Variants in VDR observed in about 807,000 individuals in gnomAD.
VDR encodes vitamin D receptor.
Under a neutral mutation model 39.7 loss-of-function variants are expected in VDR, and 19 were observed. The ratio of observed to expected loss-of-function variants is 0.48; its 90% confidence interval spans 0.33 to 0.70. The LOEUF is 0.70. VDR is among the 30% of genes least tolerant of loss of function. The pLI is 0.02. For synonymous variants in VDR, 242 were observed against 215.8 expected, an observed-to-expected ratio of 1.12 and a Z score of -1.07; for missense variants, 442 against 570.5, an observed-to-expected ratio of 0.77 and a Z score of 2.29.
At chr12:47,855,519 A>G in intron 7 of VDR, 111 bp downstream of exon 7, 1 of 1,337,808 alleles carries the variant, frequency 7.5e-7, no homozygotes, top group Non-Finnish European at 1.0e-6. Flanking sequence ...GATGCCGTTT[A>G]AAAAAATAAA....
intron 4 of VDR, among the ~76,000 whole-genome samples, chr12:47,859,860 TC>T (rs1401495885): frequency 9.3e-5 from 4 of 42,970 alleles, no homozygotes; most frequent in Admixed American, 4.3e-4. Context: ...CTTCCTTCCT[TC>T]CTTCTTTCCT....
At chr12:47,878,943 G>A in intron 3 of VDR, 25 bp downstream of exon 3, 2 of 1,614,084 alleles carry the variant, frequency 1.2e-6, no homozygotes, top group Admixed American at 1.7e-5. Flanking sequence ...CTTTCCACTG[G>A]GGAGAGCCTG....
intron 3 of VDR, among the ~76,000 whole-genome samples, chr12:47,872,062 A>T (rs1200516854): frequency 6.6e-6 from 1 of 152,258 alleles, no homozygotes; most frequent in African/African-American, 2.4e-5. Flanking sequence ...ATATCCTCTT[A>T]AACTGTTGGC....
At chr12:47,866,339 C>T (rs1945735667) in intron 3 of VDR, among the ~76,000 whole-genome samples, 1 of 152,170 alleles carries the variant, frequency 6.6e-6, no homozygotes, top group South Asian at 2.1e-4. Context: ...TCATGATCCG[C>T]CTGCCTCGGC....
intron 4 of VDR, among the ~76,000 whole-genome samples, chr12:47,858,691 G>C (rs962376806): frequency 6.6e-6 from 1 of 152,250 alleles, no homozygotes; most frequent in Non-Finnish European, 1.5e-5. Context: ...GCAGGAGTGG[G>C]CACCAGGGCC....
At chr12:47,893,423 G>A (rs1592151581) in intron 1 of VDR, among the ~76,000 whole-genome samples, 2 of 151,860 alleles carry the variant, frequency 1.3e-5, no homozygotes, top group Admixed American at 1.3e-4. Context: ...CTAGAAGGGA[G>A]AGGTAAAGGA....
intron 2 of VDR, among the ~76,000 whole-genome samples, chr12:47,881,798 C>A (rs1946155176): frequency 6.6e-6 from 1 of 150,874 alleles, no homozygotes; most frequent in Admixed American, 6.6e-5. Flanking sequence ...GGTTTTAGAA[C>A]ATAGCACACA....
At chr12:47,878,643 A>C (rs1432403258) in intron 3 of VDR, among the ~76,000 whole-genome samples, 2 of 152,192 alleles carry the variant, frequency 1.3e-5, no homozygotes, top group Non-Finnish European at 2.9e-5. Flanking sequence ...TGTGATCATC[A>C]ACAGGGAGGA....
At chr12:47,902,633 A>G (rs1195262609) in intron 1 of VDR, among the ~76,000 whole-genome samples, 1 of 151,848 alleles carries the variant, frequency 6.6e-6, no homozygotes, top group Non-Finnish European at 1.5e-5. Context: ...TCAGCAACAC[A>G]CCAAATGTCA....
rs530909013 is a variant in VDR at position 47,858,452 on chromosome 12, C to G, written c.278-764G>C. ...TTTCTGTCCATGGAAGTTTTCAAGTCCTCTTGAAGGCCCCAAAGGGTGAGG... is the reference window on the plus strand; with the variant it reads ...TTTCTGTCCATGGAAGTTTTCAAGTGCTCTTGAAGGCCCCAAAGGGTGAGG... On this transcript the variant is annotated intron_variant, in intron 4 of 9. Coordinates refer to ENST00000549336, the MANE Select transcript of VDR (RefSeq NM_000376.3). Among the ~76,000 whole-genome samples the G allele has an allele frequency of 2.0e-5, 3 of 152,362 alleles. No homozygotes were observed. In the East Asian group the frequency reaches 5.8e-4, roughly 29 times the overall value.
chr12:47,891,868 G>C (rs972127170), intron 1 of VDR, among the ~76,000 whole-genome samples: 1 of 152,142 alleles, frequency 6.6e-6, no homozygotes, highest in Non-Finnish European at 1.5e-5. Context: ...ATGCCCCGCT[G>C]TCTGTTACCA....
At chr12:47,864,553 T>A (rs965997691) in intron 4 of VDR, among the ~76,000 whole-genome samples, 2 of 152,182 alleles carry the variant, frequency 1.3e-5, no homozygotes, top group Non-Finnish European at 2.9e-5. Flanking sequence ...AGAACGTGGA[T>A]GCCAACTATG....
At chr12:47,902,008 C>T (rs1946572653) in intron 1 of VDR, among the ~76,000 whole-genome samples, 1 of 152,180 alleles carries the variant, frequency 6.6e-6, no homozygotes, top group South Asian at 2.1e-4. Flanking sequence ...CGGGGGCTGT[C>T]CTCAGAATTA....
intron 2 of VDR, among the ~76,000 whole-genome samples, chr12:47,879,633 T>C (rs1946101009): frequency 1.3e-5 from 2 of 152,076 alleles, no homozygotes; most frequent in Non-Finnish European, 2.9e-5. Flanking sequence ...CTCTTGAGGG[T>C]GGGGGGAATT....
At position 47,857,152 on chromosome 12, in the gene VDR, G is replaced by C. The variant is rs1185429975; in HGVS notation, c.560C>G (p.Ser187Ter). ...SFSGDSSSSC[S>*]DHCITSSDMM... ...ACCTGAAGAGGTGATACAGTGATCT[G>C]AGCAGGAGGAGGAGGAGTCCCCAGA... The change falls in exon 6 of 10, where the codon TCA becomes TGA. Residue 187 changes from serine (S) to a stop codon, truncating the protein, a stop_gained. Coordinates refer to ENST00000549336, the MANE Select transcript of VDR (RefSeq NM_000376.3). LOFTEE classifies it high-confidence loss of function. 6.2e-7 allele frequency: 1 copy of C among 1,614,152 alleles called. No homozygotes were observed.
At chr12:47,865,303 C>T (rs910882438) in intron 3 of VDR, 126 bp from the exon 4 acceptor site, 9 of 1,416,856 alleles carry the variant, frequency 6.4e-6, no homozygotes, top group African/African-American at 1.4e-5. Context: ...GAGGCCCACC[C>T]CAGCTGCCAG....
At chr12:47,895,215 AC>A (rs1463683097) in intron 1 of VDR, among the ~76,000 whole-genome samples, 8 of 152,230 alleles carry the variant, frequency 5.3e-5, no homozygotes, top group Non-Finnish European at 8.8e-5. Flanking sequence ...GTGAAAAAAC[AC>A]CTTGAACGAT....
intron 3 of VDR, among the ~76,000 whole-genome samples, chr12:47,875,586 C>G (rs1013615498): frequency 6.6e-6 from 1 of 152,030 alleles, no homozygotes; most frequent in African/African-American, 2.4e-5. Flanking sequence ...TTGGATGAAG[C>G]AAAGAAGGAG....
intron 3 of VDR, among the ~76,000 whole-genome samples, chr12:47,866,115 C>CA: frequency 6.8e-6 from 1 of 147,398 alleles, no homozygotes; most frequent in South Asian, 2.2e-4. Context: ...AGAAAAAACC[C>CA]TTTTTTTTTT....
Sources: gnomAD v4.1 joint callset for allele counts (sites outside exome capture counted in the v4.1 genomes callset) on GRCh38, gnomAD v4.1.1 for gene constraint, MANE v1.5 for transcripts, NCBI Gene and HGNC (gene_info 2026-07-23, HGNC 2026-07-21) for gene names.